Variants in SHC3 observed in about 807,000 individuals in gnomAD.
SHC3 encodes SHC adaptor protein 3.
SHC3 carries 15 observed loss-of-function variants against 60.4 expected under a neutral mutation model. The observed-to-expected ratio is 0.25, with a 90% CI of 0.17 to 0.38. The LOEUF is 0.38. Ranked by LOEUF, SHC3 falls within the 10% of genes least tolerant of loss-of-function variation. SHC3 has a pLI of 1.00. For synonymous variants in SHC3, 294 were observed against 325.9 expected, an observed-to-expected ratio of 0.90 and a Z score of 1.05; for missense variants, 677 against 786.1, an observed-to-expected ratio of 0.86 and a Z score of 1.66.
intron 1 of SHC3, among the ~76,000 whole-genome samples, chr9:89,150,983 A>G (rs1479791591): frequency 1.3e-5 from 2 of 149,478 alleles, no homozygotes; most frequent in Non-Finnish European, 3.0e-5. Context: ...GATGTTGAGC[A>G]TCTTTTCATG....
chr9:89,111,024 T>C (rs1361252888), intron 2 of SHC3, among the ~76,000 whole-genome samples: 1 of 152,218 alleles, frequency 6.6e-6, no homozygotes, highest in Non-Finnish European at 1.5e-5. Context: ...CAGGACTTGT[T>C]CTGTGCCCCT....
At chr9:89,173,110 T>A (rs1002381996) in intron 1 of SHC3, among the ~76,000 whole-genome samples, 2 of 152,266 alleles carry the variant, frequency 1.3e-5, no homozygotes, top group Non-Finnish European at 2.9e-5. Flanking sequence ...TTCAACTTGC[T>A]GCAGCCAGGG....
intron 1 of SHC3, among the ~76,000 whole-genome samples, chr9:89,161,314 C>T (rs1826702700): frequency 6.6e-6 from 1 of 151,048 alleles, no homozygotes; most frequent in Non-Finnish European, 1.5e-5. Flanking sequence ...AGGCGCCCTC[C>T]TTCTCTCTCT....
chr9:89,017,986 A>T (rs1227334868), intron 11 of SHC3, among the ~76,000 whole-genome samples: 3 of 152,208 alleles, frequency 2.0e-5, no homozygotes, highest in African/African-American at 7.2e-5. Context: ...AAAAGTCAGG[A>T]AACAACAGAT....
intron 2 of SHC3, among the ~76,000 whole-genome samples, chr9:89,083,964 C>A (rs1281355968): frequency 6.6e-6 from 1 of 152,148 alleles, no homozygotes; most frequent in Non-Finnish European, 1.5e-5. Context: ...TCATCCACAG[C>A]CAAGCAGATT....
intron 1 of SHC3, among the ~76,000 whole-genome samples, chr9:89,151,151 T>C (rs1826540481): frequency 6.6e-6 from 1 of 152,126 alleles, no homozygotes; most frequent in African/African-American, 2.4e-5. Context: ...CCTGAGTATC[T>C]GGGACTACAG....
chr9:89,043,843 G>A (rs1006213367), intron 9 of SHC3, among the ~76,000 whole-genome samples: 9 of 152,104 alleles, frequency 5.9e-5, no homozygotes, highest in African/African-American at 1.4e-4. Context: ...TAGTAGAGAC[G>A]AGGTTTCACC....
chr9:89,148,491 T>C (rs1339895206), intron 1 of SHC3, among the ~76,000 whole-genome samples: 1 of 152,246 alleles, frequency 6.6e-6, no homozygotes, highest in African/African-American at 2.4e-5. Flanking sequence ...CAACTTTTTC[T>C]CTCAGTTTAC....
chr9:89,110,519 A>C (rs1360806681), intron 2 of SHC3: 1 of 927,438 alleles, frequency 1.1e-6, no homozygotes, highest in African/African-American at 1.8e-5. Context: ...AGTGTGCTAC[A>C]TCTGCAAGAC....
intron 4 of SHC3, among the ~76,000 whole-genome samples, chr9:89,074,502 C>G (rs12685427): frequency 1.3e-5 from 2 of 152,038 alleles, no homozygotes; most frequent in Non-Finnish European, 2.9e-5. Context: ...TCAGAGAAAT[C>G]TAAAAGATAG....
At chr9:89,139,460 C>T (rs145994053) in intron 1 of SHC3, among the ~76,000 whole-genome samples, 2 of 152,148 alleles carry the variant, frequency 1.3e-5, no homozygotes, top group Non-Finnish European at 2.9e-5. Context: ...TTTAAATTGG[C>T]TTTTGTGAAA....
intron 11 of SHC3, among the ~76,000 whole-genome samples, chr9:89,028,476 AGATTATAT>A (rs1826357778): frequency 5.1e-5 from 1 of 19,778 alleles, no homozygotes; most frequent in African/African-American, 2.7e-4. Flanking sequence ...TAATAGATAT[AGATTATAT>A]CTATATAGAT....
At position 89,172,032 on chromosome 9, in the gene SHC3, G is replaced by A. The variant is rs769592157; in HGVS notation, c.474+5955C>T. On this transcript the variant is annotated intron_variant, in intron 1 of 11. Coordinates refer to ENST00000375835, the MANE Select transcript of SHC3 (RefSeq NM_016848.6). ...GCCAAGAAGAGCAGTGCCTCTTCCAGTCATGTCAGGTGGTACAGGAGGGCT... is the reference window on the plus strand; with the variant it reads ...GCCAAGAAGAGCAGTGCCTCTTCCAATCATGTCAGGTGGTACAGGAGGGCT... Among the ~76,000 whole-genome samples the A allele has an allele frequency of 2.1e-4, 32 of 152,342 alleles. 1 individual carries two copies. Among genetic ancestry groups the A allele is most frequent in the Non-Finnish European group, 3.1e-4 (21 of 68,042 alleles).
intron 1 of SHC3, among the ~76,000 whole-genome samples, chr9:89,143,213 C>T (rs1052585295): frequency 1.3e-5 from 2 of 151,928 alleles, no homozygotes; most frequent in Non-Finnish European, 2.9e-5. Context: ...TTAATGCCTC[C>T]CCTGTTTAGA....
chr9:89,070,289 G>A (rs73498154), intron 5 of SHC3, among the ~76,000 whole-genome samples: 5,917 of 152,200 alleles, frequency 0.039, 400 homozygotes, highest in African/African-American at 0.13. Flanking sequence ...TTACCCAGAC[G>A]CATAAAAATT....
At chr9:89,097,818 G>T (rs1334717815) in intron 2 of SHC3, among the ~76,000 whole-genome samples, 1 of 152,136 alleles carries the variant, frequency 6.6e-6, no homozygotes, top group Non-Finnish European at 1.5e-5. Context: ...ATCGCTTTTA[G>T]ACACTTTAGA....
intron 5 of SHC3, among the ~76,000 whole-genome samples, chr9:89,070,476 C>T (rs1286387529): frequency 6.6e-6 from 1 of 152,164 alleles, no homozygotes; most frequent in African/African-American, 2.4e-5. Context: ...GGATTCCGCC[C>T]TGTCCCGGGA....
At chr9:89,155,312 C>G (rs1270813846) in intron 1 of SHC3, among the ~76,000 whole-genome samples, 1 of 152,160 alleles carries the variant, frequency 6.6e-6, no homozygotes, top group Non-Finnish European at 1.5e-5. Context: ...CCTTAATTCC[C>G]GGAGCCGGCT....
At chr9:89,054,576 G>A (rs1397935545) in intron 6 of SHC3, among the ~76,000 whole-genome samples, 4 of 152,194 alleles carry the variant, frequency 2.6e-5, no homozygotes, top group African/African-American at 9.7e-5. Context: ...ACTAAATAAT[G>A]AGGCCTTCCC....
Sources: gnomAD v4.1 joint callset for allele counts (sites outside exome capture counted in the v4.1 genomes callset) on GRCh38, gnomAD v4.1.1 for gene constraint, MANE v1.5 for transcripts, NCBI Gene and HGNC (gene_info 2026-07-23, HGNC 2026-07-21) for gene names.